Variants in PADI2 observed in about 807,000 individuals in gnomAD.
The protein encoded by PADI2 is protein-arginine deiminase type-2.
In PADI2, 70 loss-of-function variants were observed where a neutral mutation model predicts 81.1. The observed-to-expected ratio is 0.86, with a 90% CI of 0.71 to 1.05. The LOEUF is 1.05. Among genes scored for constraint, PADI2 ranks in the 50% least tolerant of loss-of-function variants. The pLI, the probability that PADI2 is intolerant of heterozygous loss-of-function variation, is 0.00. For synonymous variants in PADI2, 338 were observed against 358.0 expected, an observed-to-expected ratio of 0.94 and a Z score of 0.63; for missense variants, 853 against 889.9, an observed-to-expected ratio of 0.96 and a Z score of 0.53.
At chr1:17,118,604 A>C (rs1015581848) in intron 1 of PADI2, among the ~76,000 whole-genome samples, 4 of 152,104 alleles carry the variant, frequency 2.6e-5, no homozygotes, top group Non-Finnish European at 4.4e-5. Flanking sequence ...CTTTTCCAAC[A>C]AAGTACCCCG....
intron 6 of PADI2, among the ~76,000 whole-genome samples, chr1:17,091,935 C>T (rs1930713593): frequency 6.6e-6 from 1 of 152,050 alleles, no homozygotes; most frequent in Non-Finnish European, 1.5e-5. Context: ...CGAGGACTAG[C>T]TCCAGGGCAG....
At chr1:17,118,488 G>A (rs550716959) in intron 1 of PADI2, among the ~76,000 whole-genome samples, 4 of 152,264 alleles carry the variant, frequency 2.6e-5, no homozygotes, top group African/African-American at 9.6e-5. Flanking sequence ...GGATTGCGGG[G>A]GGAGTGGTAG....
intron 4 of PADI2, among the ~76,000 whole-genome samples, chr1:17,093,946 G>A (rs975270631): frequency 5.9e-5 from 9 of 152,180 alleles, no homozygotes; most frequent in Non-Finnish European, 1.5e-5. Flanking sequence ...CTGGTGTCTG[G>A]TGTGGGTGGA....
intron 4 of PADI2, among the ~76,000 whole-genome samples, chr1:17,094,821 G>A (rs892597327): frequency 1.3e-5 from 2 of 152,192 alleles, no homozygotes; most frequent in Admixed American, 6.5e-5. Context: ...GGAAGCTGTC[G>A]CCCTGGGGCT....
chr1:17,074,832 T>C, intron 13 of PADI2, 24 bp downstream of exon 13: 1 of 1,516,878 alleles, frequency 6.6e-7, no homozygotes, highest in South Asian at 1.1e-5. Context: ...CGCCACTTCC[T>C]GTCAAGGCCC....
intron 1 of PADI2, among the ~76,000 whole-genome samples, chr1:17,110,589 T>C (rs1931542828): frequency 6.6e-6 from 1 of 152,244 alleles, no homozygotes; most frequent in South Asian, 2.1e-4. Context: ...TTCATCCTGG[T>C]GTTGAACTAG....
Position 17,092,393 on chromosome 1 carries a change from G to T in PADI2, c.655+15C>A, listed in dbSNP as rs1334312345. 1 of 1,594,960 alleles carries T rather than the reference G, an allele frequency of 6.3e-7. No homozygotes were observed. Among genetic ancestry groups the T allele is most frequent in the African/African-American group, 1.4e-5 (1 of 73,354 alleles). On this transcript the variant is annotated intron_variant, in intron 6 of 15. Coordinates refer to ENST00000375486, the MANE Select transcript of PADI2 (RefSeq NM_007365.3). ...GCTAGAAAGGTCTAGGCTGGACTGG[G>T]CTGGGATCACTCACTCTCCACGTAG...
intron 10 of PADI2, among the ~76,000 whole-genome samples, chr1:17,079,682 G>A (rs990146824): frequency 6.6e-5 from 10 of 152,168 alleles, no homozygotes; most frequent in African/African-American, 2.4e-4. Flanking sequence ...GAATGTGAGT[G>A]TGTGGGCATC....
rs1570973924 is a variant in PADI2, at chr1:17,071,499, G to A, written c.1550-8C>T. 1 of 1,609,390 alleles carries A rather than the reference G, an allele frequency of 6.2e-7. No individual in the cohort carries two copies. Among genetic ancestry groups the A allele is most frequent in the Non-Finnish European group, 8.5e-7 (1 of 1,175,674 alleles). On this transcript the variant is annotated splice_region_variant and splice_polypyrimidine_tract_variant and intron_variant, in intron 13 of 15. Coordinates refer to ENST00000375486, the MANE Select transcript of PADI2 (RefSeq NM_007365.3). Reference sequence around the variant, plus strand: ...TGCTCATCCCACCCAAGCCTGTGGGGTTCAAAGGACAGGGGATGGTCAAGC... The same window carrying A: ...TGCTCATCCCACCCAAGCCTGTGGGATTCAAAGGACAGGGGATGGTCAAGC...
intron 1 of PADI2, among the ~76,000 whole-genome samples, chr1:17,116,348 C>T (rs1001294733): frequency 6.6e-6 from 1 of 152,176 alleles, no homozygotes; most frequent in African/African-American, 2.4e-5. Context: ...TTTCGCTCAC[C>T]TTTGCGACTC....
rs1273785733 is a variant in PADI2, at chr1:17,070,155, A to T, written c.1697T>A (p.Ile566Asn). 2 of 1,613,834 alleles carry T rather than the reference A, an allele frequency of 1.2e-6. No individual in the cohort carries two copies. The highest frequency in any genetic ancestry group is 2.7e-5 in the African/African-American group (2 of 74,898). ...KKELGLTEQD[I>N]IDLPALFKMD... ...CTTGAACAGAGCGGGCAGGTCAATG[A>T]TGTCCTGCTCTGTCAGTCCCAGCTC... is the stretch of plus-strand genomic sequence containing the variant. The change falls in exon 15 of 16, where the codon ATC becomes AAC. Residue 566 changes from isoleucine to asparagine, a missense_variant. Physicochemically the swap from Ile to Asn is moderately radical, Grantham distance 149. Transcript: ENST00000375486.
At chr1:17,097,482 A>G (rs997566304) in intron 3 of PADI2, among the ~76,000 whole-genome samples, 7 of 152,152 alleles carry the variant, frequency 4.6e-5, no homozygotes, top group Admixed American at 2.6e-4. Context: ...AGGTGCTGTA[A>G]GGCATAATTT....
intron 7 of PADI2, among the ~76,000 whole-genome samples, chr1:17,085,336 G>C (rs531275868): frequency 1.3e-5 from 2 of 152,194 alleles, no homozygotes; most frequent in African/African-American, 4.8e-5. Context: ...TCCTTGGTGG[G>C]GAGGTGCGGG....
intron 3 of PADI2, among the ~76,000 whole-genome samples, chr1:17,101,437 A>G (rs887877566): frequency 6.6e-6 from 1 of 151,888 alleles, no homozygotes; most frequent in South Asian, 2.1e-4. Flanking sequence ...TTCCTCAGGG[A>G]CTGTCATCTG....
At chr1:17,091,913 A>G (rs1930712757) in intron 6 of PADI2, among the ~76,000 whole-genome samples, 2 of 152,168 alleles carry the variant, frequency 1.3e-5, no homozygotes, top group South Asian at 4.2e-4. Context: ...GGTGAGGCAG[A>G]GCCGGCAGCT....
At chr1:17,107,829 C>T (rs1226326349) in intron 1 of PADI2, among the ~76,000 whole-genome samples, 3 of 152,186 alleles carry the variant, frequency 2.0e-5, no homozygotes, top group African/African-American at 4.8e-5. Context: ...TCAATGAAGA[C>T]ACCCCAAGGT....
At chr1:17,097,014 A>G (rs953197203) in intron 3 of PADI2, among the ~76,000 whole-genome samples, 3 of 152,208 alleles carry the variant, frequency 2.0e-5, no homozygotes, top group Non-Finnish European at 4.4e-5. Flanking sequence ...ATATTGTCAA[A>G]TGTCCCTTGG....
chr1:17,091,551 C>T (rs1930697591), intron 6 of PADI2, among the ~76,000 whole-genome samples: 1 of 152,062 alleles, frequency 6.6e-6, no homozygotes, highest in South Asian at 2.1e-4. Flanking sequence ...GCTCTTCCCA[C>T]ACTCTAAACT....
intron 12 of PADI2, chr1:17,075,444 T>C: frequency 2.1e-6 from 1 of 465,908 alleles, no homozygotes; most frequent in South Asian, 3.3e-5. Context: ...GAGAAAAGAA[T>C]TTAAATCTCT....
Sources: allele counts gnomAD v4.1 joint callset (sites outside exome capture counted in the v4.1 genomes callset), GRCh38; gene constraint gnomAD v4.1.1; transcripts MANE v1.5; gene names NCBI Gene and HGNC (gene_info 2026-07-23, HGNC 2026-07-21).